The following MYO1B variants were observed in gnomAD, a reference collection of about 807,000 sequenced individuals.
MYO1B encodes the protein myosin IB.
A neutral mutation model predicts 159.7 loss-of-function variants in MYO1B; 72 were observed. That is an observed-to-expected ratio of 0.45 (90% CI 0.37 to 0.55). The LOEUF is 0.55. Ranked by LOEUF, MYO1B falls within the 20% of genes least tolerant of loss-of-function variation. The probability of loss-of-function intolerance (pLI) is 0.00; values close to 1 mark genes in which losing one functional copy is unlikely to be tolerated. For missense variants in MYO1B, 1,062 were observed against 1,364.8 expected (o/e 0.78, Z 3.50); for synonymous variants, 468 against 473.8 (o/e 0.99, Z 0.16).
chr2:191,409,708 A>C (rs1326101610), intron 26 of MYO1B, among the ~76,000 whole-genome samples: 2 of 152,228 alleles, frequency 1.3e-5, no homozygotes, highest in Admixed American at 1.3e-4. Flanking sequence ...GGAAGCTGGA[A>C]ATCTGTTTTA....
intron 1 of MYO1B, among the ~76,000 whole-genome samples, chr2:191,268,698 T>C (rs778803237): frequency 6.6e-6 from 1 of 152,194 alleles, no homozygotes; most frequent in African/African-American, 2.4e-5. Context: ...AGGCTTCCTC[T>C]GGAGGAGTCT....
chr2:191,315,065 G>A (rs937370062), intron 3 of MYO1B, among the ~76,000 whole-genome samples: 2 of 151,966 alleles, frequency 1.3e-5, no homozygotes, highest in Non-Finnish European at 2.9e-5. Flanking sequence ...AAATTATCTG[G>A]GCAAATTTTT....
Position 191,298,704 on chromosome 2 carries a change from A to C in MYO1B, c.251+2478A>C, listed in dbSNP as rs189228698. On this transcript the variant is annotated intron_variant, in intron 3 of 30. Transcript: ENST00000392318. ...AGTATTTATGGCTAATATTTTATTAAGTACTTACTATTCTGCTCTAAATAC... is the reference window on the plus strand; with the variant it reads ...AGTATTTATGGCTAATATTTTATTACGTACTTACTATTCTGCTCTAAATAC... 1.8e-3 allele frequency among the ~76,000 whole-genome samples: 278 copies of C among 152,366 alleles called. 2 individuals are homozygous for C. The highest frequency in any genetic ancestry group is 5.2e-3 in the Admixed American group (80 of 15,300).
chr2:191,418,988 A>G (rs1159963836), intron 30 of MYO1B, among the ~76,000 whole-genome samples: 1 of 152,248 alleles, frequency 6.6e-6, no homozygotes, highest in South Asian at 2.1e-4. Flanking sequence ...GATTGCACAG[A>G]TGACGGTGGT....
At chr2:191,399,891 C>T (rs1229467498) in intron 21 of MYO1B, among the ~76,000 whole-genome samples, 2 of 152,180 alleles carry the variant, frequency 1.3e-5, no homozygotes, top group African/African-American at 4.8e-5. Context: ...TCCTCCTGGC[C>T]CCCATAAAAT....
rs1037418969 is a variant in MYO1B at position 191,282,533 on chromosome 2, T to A, written c.135+5503T>A. On this transcript the variant is annotated intron_variant, in intron 2 of 30. Transcript: ENST00000392318. ...AACAAATGCTTTTGGGAAAAAAAAA[T>A]TTCAAATAGTACAGCCAGACATATC... Among the ~76,000 whole-genome samples the A allele has an allele frequency of 1.7e-4, 26 of 152,268 alleles. 1 individual carries two copies. The highest frequency in any genetic ancestry group is 3.4e-3 in the Middle Eastern group (1 of 294).
chr2:191,293,153 G>A (rs922131205), intron 2 of MYO1B, among the ~76,000 whole-genome samples: 7 of 152,236 alleles, frequency 4.6e-5, no homozygotes, highest in Admixed American at 3.3e-4. Context: ...GCTTCTACTT[G>A]TGTCTCATTT....
chr2:191,256,709 A>C (rs1339439745), intron 1 of MYO1B, among the ~76,000 whole-genome samples: 5 of 152,164 alleles, frequency 3.3e-5, no homozygotes, highest in African/African-American at 7.2e-5. Context: ...TAATATAATA[A>C]AATTATTTGA....
chr2:191,270,687 C>T (rs193112697), intron 1 of MYO1B, among the ~76,000 whole-genome samples: 1 of 152,332 alleles, frequency 6.6e-6, no homozygotes, highest in East Asian at 1.9e-4. Flanking sequence ...GACTTGGCTC[C>T]TCTTTTGCCT....
At chr2:191,370,758 T>C (rs1436991704) in intron 13 of MYO1B, among the ~76,000 whole-genome samples, 1 of 152,240 alleles carries the variant, frequency 6.6e-6, no homozygotes, top group African/African-American at 2.4e-5. Context: ...CCAGGGCTGG[T>C]CATTTCATCT....
chr2:191,381,401 C>T (rs752777083), intron 13 of MYO1B, 61 bp from the exon 14 acceptor site: 14 of 1,161,372 alleles, frequency 1.2e-5, no homozygotes, highest in Non-Finnish European at 1.8e-5. Flanking sequence ...GTCTGAGTGT[C>T]ATTGTTTTGA....
chr2:191,283,578 A>G (rs942740525), intron 2 of MYO1B, among the ~76,000 whole-genome samples: 2 of 152,166 alleles, frequency 1.3e-5, no homozygotes, highest in African/African-American at 4.8e-5. Context: ...TTTTCACTAG[A>G]GTCCTATGTA....
rs187456623 is a variant in MYO1B, at chr2:191,404,191, G to A, written c.2556+1473G>A. ...TCTCAAATGATTGACTTTTCCTGTGGAAATAATTACAAAGTGCAGTGGGCC... is the reference window on the plus strand; with the variant it reads ...TCTCAAATGATTGACTTTTCCTGTGAAAATAATTACAAAGTGCAGTGGGCC... On this transcript the variant is annotated intron_variant, in intron 24 of 30. Transcript: ENST00000392318. Among the ~76,000 whole-genome samples, 368 of 152,188 alleles carry A rather than the reference G, an allele frequency of 2.4e-3. 4 individuals are homozygous for A. The highest frequency in any genetic ancestry group is 6.6e-4 in the Non-Finnish European group (45 of 68,010).
intron 1 of MYO1B, among the ~76,000 whole-genome samples, chr2:191,249,910 CA>C (rs1159461209): frequency 6.6e-6 from 1 of 152,204 alleles, no homozygotes; most frequent in East Asian, 1.9e-4. Flanking sequence ...AACAGGTGAG[CA>C]CCTTCCAACT....
chr2:191,276,830 A>G, intron 1 of MYO1B, 57 bp from the exon 2 acceptor site: 3 of 1,551,486 alleles, frequency 1.9e-6, no homozygotes, highest in Non-Finnish European at 2.6e-6. Context: ...TAGTGCCAAG[A>G]ACCTATTTGA....
chr2:191,370,193 C>G, intron 12 of MYO1B, 34 bp from the exon 13 acceptor site: 1 of 1,483,692 alleles, frequency 6.7e-7, no homozygotes. Context: ...TATTTCATGC[C>G]TTAATTAACC....
At chr2:191,300,136 A>G (rs1689220550) in intron 3 of MYO1B, among the ~76,000 whole-genome samples, 2 of 152,158 alleles carry the variant, frequency 1.3e-5, no homozygotes, top group African/African-American at 4.8e-5. Flanking sequence ...GTTCCCTACT[A>G]AAACAGCCTG....
At chr2:191,274,645 G>C (rs1312211052) in intron 1 of MYO1B, among the ~76,000 whole-genome samples, 2 of 152,168 alleles carry the variant, frequency 1.3e-5, no homozygotes, top group African/African-American at 4.8e-5. Flanking sequence ...TGGAGCCTGA[G>C]AACTTGAACT....
chr2:191,305,365 G>C (rs1251304303), intron 3 of MYO1B, among the ~76,000 whole-genome samples: 2 of 152,210 alleles, frequency 1.3e-5, no homozygotes, highest in African/African-American at 4.8e-5. Context: ...GTTCAGCAGA[G>C]CGAATATGAG....
Sources: allele counts gnomAD v4.1 joint callset (sites outside exome capture counted in the v4.1 genomes callset), GRCh38; gene constraint gnomAD v4.1.1; transcripts MANE v1.5; gene names NCBI Gene and HGNC (gene_info 2026-07-23, HGNC 2026-07-21).